PRKN: variants seen among roughly 807,000 people sequenced by gnomAD.
The protein encoded by PRKN is E3 ubiquitin-protein ligase parkin.
Under a neutral mutation model 59.5 loss-of-function variants are expected in PRKN, and 56 were observed. That is an observed-to-expected ratio of 0.94 (90% confidence interval 0.76 to 1.18). The LOEUF is 1.18. Ranked by LOEUF, PRKN falls within the 50% of genes most tolerant of loss-of-function variation. PRKN has a pLI of 0.00. For missense variants in PRKN, 657 were observed against 596.4 expected (o/e 1.10, Z -1.06); for synonymous variants, 250 against 222.1 (o/e 1.13, Z -1.12).
intron 7 of PRKN, among the ~76,000 whole-genome samples, chr6:161,612,059 T>G (rs538237796): frequency 6.6e-6 from 1 of 152,330 alleles, no homozygotes; most frequent in South Asian, 2.1e-4. Flanking sequence ...CTATGAAGGC[T>G]GAGAGAGGTG....
At chr6:162,426,161 T>TTTA (rs1789229164) in intron 2 of PRKN, among the ~76,000 whole-genome samples, 1 of 152,210 alleles carries the variant, frequency 6.6e-6, no homozygotes, top group Non-Finnish European at 1.5e-5. Flanking sequence ...TGATGTGAAA[T>TTTA]GCCTTGTCAG....
At chr6:161,943,832 G>GCA (rs1779659534) in intron 6 of PRKN, among the ~76,000 whole-genome samples, 2 of 151,596 alleles carry the variant, frequency 1.3e-5, no homozygotes, top group Non-Finnish European at 2.9e-5. Context: ...TCAGCCTGAA[G>GCA]GATCAGCCTG....
intron 1 of PRKN, among the ~76,000 whole-genome samples, chr6:162,497,811 A>G (rs949480998): frequency 6.6e-6 from 1 of 152,220 alleles, no homozygotes; most frequent in East Asian, 1.9e-4. Context: ...GGAAGTGAGT[A>G]TAGATAGAAG....
intron 6 of PRKN, among the ~76,000 whole-genome samples, chr6:161,943,876 AGCCTGAGGGATTG>A (rs1256323294): frequency 4.3e-5 from 3 of 70,366 alleles, no homozygotes; most frequent in African/African-American, 1.5e-4. Context: ...CTGAGGAAGC[AGCCTGAGGGATTG>A]GCCTGAGGAT....
At chr6:162,605,621 G>GA (rs1204328708) in intron 1 of PRKN, among the ~76,000 whole-genome samples, 1 of 152,088 alleles carries the variant, frequency 6.6e-6, no homozygotes, top group Non-Finnish European at 1.5e-5. Context: ...AAAAGTTAAA[G>GA]AAACAGTGTA....
chr6:161,820,255 C>T (rs900490532), intron 6 of PRKN, among the ~76,000 whole-genome samples: 5 of 151,708 alleles, frequency 3.3e-5, no homozygotes, highest in African/African-American at 9.7e-5. Flanking sequence ...TCATACATTG[C>T]TAGTGGGAAT....
At chr6:162,485,000 G>T (rs1792478375) in intron 1 of PRKN, among the ~76,000 whole-genome samples, 1 of 151,784 alleles carries the variant, frequency 6.6e-6, no homozygotes, top group African/African-American at 2.4e-5. Context: ...TTCATAATCA[G>T]GAAAAACAAA....
chr6:161,677,373 C>T lies in PRKN; in HGVS notation c.872-107957G>A, dbSNP rs111489448. Reference sequence around the variant, plus strand: ...TGCCTTGCATGGTATCACATGATGTCACATGACACTGTATGATATCACAAA... The same window carrying T: ...TGCCTTGCATGGTATCACATGATGTTACATGACACTGTATGATATCACAAA... On this transcript the variant is annotated intron_variant, in intron 7 of 11. Coordinates refer to ENST00000366898, the MANE Select transcript of PRKN (RefSeq NM_004562.3). Among the ~76,000 whole-genome samples, 797 of 152,332 alleles carry T rather than the reference C, an allele frequency of 5.2e-3. 11 individuals are homozygous for T. Among genetic ancestry groups the T allele is most frequent in the African/African-American group, 0.018 (761 of 41,580 alleles).
At chr6:161,983,624 G>C (rs1219885510) in intron 5 of PRKN, among the ~76,000 whole-genome samples, 1 of 28,136 alleles carries the variant, frequency 3.6e-5, no homozygotes, top group Non-Finnish European at 6.8e-5. Context: ...GATGAAATTG[G>C]AAACCATCAT....
At chr6:161,740,526 T>C (rs560079708) in intron 7 of PRKN, among the ~76,000 whole-genome samples, 2 of 152,344 alleles carry the variant, frequency 1.3e-5, no homozygotes, top group South Asian at 2.1e-4. Flanking sequence ...ACTGCTCCCA[T>C]GTAGGTGGCC....
intron 1 of PRKN, among the ~76,000 whole-genome samples, chr6:162,496,218 T>C (rs568116247): frequency 2.0e-4 from 30 of 150,552 alleles, no homozygotes; most frequent in African/African-American, 6.4e-4. Context: ...ACCTGGGCAA[T>C]AGAGCGAGAC....
intron 2 of PRKN, among the ~76,000 whole-genome samples, chr6:162,422,069 C>T (rs748405397): frequency 6.6e-6 from 1 of 152,144 alleles, no homozygotes. Context: ...TGGTTTGCCA[C>T]TGGGAATTCT....
intron 1 of PRKN, among the ~76,000 whole-genome samples, chr6:162,720,275 G>T (rs994828820): frequency 6.6e-6 from 1 of 152,094 alleles, no homozygotes; most frequent in Non-Finnish European, 1.5e-5. Context: ...TGCAAAATGG[G>T]TGAGGCTGCT....
chr6:161,733,800 A>G (rs200785383), intron 7 of PRKN, among the ~76,000 whole-genome samples: 74 of 39,892 alleles, frequency 1.9e-3, no homozygotes, highest in East Asian at 0.012. Context: ...ATATATATGT[A>G]TATATATATA....
At chr6:161,739,965 G>A (rs1257791673) in intron 7 of PRKN, among the ~76,000 whole-genome samples, 4 of 152,006 alleles carry the variant, frequency 2.6e-5, no homozygotes, top group Admixed American at 2.0e-4. Flanking sequence ...ATGTTGGCCC[G>A]GCTGGTCTCG....
At chr6:161,760,521 T>A (rs1490507950) in intron 7 of PRKN, among the ~76,000 whole-genome samples, 1 of 151,882 alleles carries the variant, frequency 6.6e-6, no homozygotes, top group Non-Finnish European at 1.5e-5. Flanking sequence ...TGGCCCCTCC[T>A]CCTCCTGTGT....
rs56073676 is a variant in PRKN at position 161,520,226 on chromosome 6, A to AT, written c.1083+28627dup. 6.5e-3 allele frequency among the ~76,000 whole-genome samples: 856 copies of AT among 131,302 alleles called. 21 individuals are homozygous for AT. The highest frequency in any genetic ancestry group is 0.017 in the African/African-American group (615 of 35,384). 86.1% of individuals were successfully genotyped at this position (131,302 alleles called of 152,430 possible). A position where few individuals can be genotyped will look rare whatever the true frequency, so the allele number is the denominator to read the frequency against. On this transcript the variant is annotated intron_variant, in intron 9 of 11. Coordinates refer to ENST00000366898, the MANE Select transcript of PRKN (RefSeq NM_004562.3). Reference sequence around the variant, plus strand: ...TCTCTATGCTCAAATCTCTCTATGCATTTTTTTTTTTTTTTTGAGAAAGAG... The same window carrying AT: ...TCTCTATGCTCAAATCTCTCTATGCATTTTTTTTTTTTTTTTTGAGAAAGAG...
At chr6:161,734,503 G>C (rs1787884890) in intron 7 of PRKN, among the ~76,000 whole-genome samples, 1 of 152,146 alleles carries the variant, frequency 6.6e-6, no homozygotes, top group Admixed American at 6.5e-5. Flanking sequence ...GACCCTCTCT[G>C]ATCAGCAGAG....
chr6:162,665,270 A>G (rs1351032878), intron 1 of PRKN, among the ~76,000 whole-genome samples: 1 of 152,126 alleles, frequency 6.6e-6, no homozygotes, highest in East Asian at 1.9e-4. Context: ...ACATGATTTT[A>G]TATTTAGAAA....
Sources: gnomAD v4.1 joint callset for allele counts (sites outside exome capture counted in the v4.1 genomes callset) on GRCh38, gnomAD v4.1.1 for gene constraint, MANE v1.5 for transcripts, NCBI Gene and HGNC (gene_info 2026-07-23, HGNC 2026-07-21) for gene names.